The following MACF1 variants were observed in gnomAD, a reference collection of about 807,000 sequenced individuals.
MACF1 encodes microtubule actin crosslinking factor 1, also known as microtubule-actin cross-linking factor 1.
A neutral mutation model predicts 854.8 loss-of-function variants in MACF1; 193 were observed. The observed-to-expected ratio is 0.23, with a 90% CI of 0.20 to 0.25. The LOEUF (loss-of-function observed/expected upper bound fraction) is 0.25. Ranked by LOEUF, MACF1 falls within the 10% of genes least tolerant of loss-of-function variation. MACF1 has a pLI of 1.00. For synonymous variants in MACF1, 3,185 were observed against 3,226.7 expected (o/e 0.99, Z 0.44); for missense variants, 7,722 against 8,929.1 (o/e 0.86, Z 5.45).
intron 2 of MACF1, among the ~76,000 whole-genome samples, chr1:39,157,400 A>G (rs1056185773): frequency 1.3e-5 from 2 of 152,170 alleles, no homozygotes; most frequent in African/African-American, 4.8e-5. Flanking sequence ...TGTAATTGGG[A>G]GTTTTGCAGA....
chr1:39,350,995 G>A lies in MACF1; in HGVS notation c.11176G>A (p.Ala3726Thr), dbSNP rs367562249. ...GGAACTGGAGGAAGCAGTGACCTCC[G>A]CCTTACAGCAGGAGACTGAAAAGGT... ...QKELEEAVTS[A>T]LQQETEKSKA... Residue 3726 changes from alanine to threonine, a missense_variant, in exon 43 of 101, where the codon GCC becomes ACC. Coordinates refer to ENST00000564288, the MANE Select transcript of MACF1 (RefSeq NM_001394062.1). 5 of 1,613,864 alleles carry A rather than the reference G, an allele frequency of 3.1e-6. No homozygotes were observed. In the African/African-American group the frequency reaches 4.0e-5, roughly 13 times the overall value.
chr1:39,316,483 T>A lies in MACF1; in HGVS notation c.3542T>A (p.Val1181Glu). ...ATTAAGCTGAGTCAAGAAGAAGTAG[T>A]ACTGGCAGATCTCTCAGCTCTGGAG... ...YEIKLSQEEV[V>E]LADLSALEAH... Residue 1181 changes from valine to glutamate, a missense_variant, in exon 28 of 101, where the codon GTA (valine) becomes GAA (glutamate). This residue lies in a region of MACF1 where 1,137 missense variants were observed against 1,263.0 expected (regional missense o/e 0.90). Coordinates refer to ENST00000564288, the MANE Select transcript of MACF1 (RefSeq NM_001394062.1). 6.2e-7 allele frequency: 1 copy of A among 1,613,954 alleles called. No homozygotes were observed. The highest frequency in any genetic ancestry group is 8.5e-7 in the Non-Finnish European group (1 of 1,179,886).
intron 2 of MACF1, among the ~76,000 whole-genome samples, chr1:39,173,477 G>A (rs1643981459): frequency 6.6e-6 from 1 of 152,186 alleles, no homozygotes; most frequent in African/African-American, 2.4e-5. Flanking sequence ...CAGGGTTTAG[G>A]CCTGATTTCT....
Position 39,336,168 on chromosome 1 carries a change from C to G in MACF1, c.9580C>G (p.Pro3194Ala). ...ATTGGAAGAAATCACAGTTTCTAGA[C>G]CAGATTCAAAAGAAGTCAGGTATCT... ...LKLEEITVSR[P>A]DSKEVRYLEF... is the part of the protein sequence containing the mutation. The change falls in exon 37 of 101, where the codon CCA (proline) becomes GCA (alanine). Residue 3194 changes from proline (P) to alanine (A), a missense_variant. Physicochemically the swap from Pro to Ala is conservative, Grantham distance 27 (BLOSUM62 -1). Around this residue, in one of 15 missense-constraint regions of MACF1, gnomAD observed 854 missense variants for 852.6 expected, o/e 1.00. Coordinates refer to ENST00000564288, the MANE Select transcript of MACF1 (RefSeq NM_001394062.1). The G allele has an allele frequency of 6.2e-7, 1 of 1,614,122 alleles. No homozygotes were observed. The highest frequency in any genetic ancestry group is 8.5e-7 in the Non-Finnish European group (1 of 1,180,008).
chr1:39,300,471 T>C, intron 22 of MACF1, 109 bp downstream of exon 22: 1 of 1,199,620 alleles, frequency 8.3e-7, no homozygotes, highest in Non-Finnish European at 1.1e-6. Context: ...GTTTTTAAAA[T>C]TAGAATTTAA....
At chr1:39,378,938 T>C (rs1407517048) in intron 53 of MACF1, among the ~76,000 whole-genome samples, 1 of 152,250 alleles carries the variant, frequency 6.6e-6, no homozygotes, top group African/African-American at 2.4e-5. Flanking sequence ...GGTTAATTTC[T>C]TACTTTGCTC....
At chr1:39,291,858 TCCTA>T in intron 15 of MACF1, 48 bp from the exon 16 acceptor site, 1 of 1,572,892 alleles carries the variant, frequency 6.4e-7, no homozygotes, top group East Asian at 2.3e-5. Context: ...CTGACCATTT[TCCTA>T]CCAAGCCAGC....
intron 30 of MACF1, among the ~76,000 whole-genome samples, chr1:39,319,207 C>T (rs1024428192): frequency 2.0e-5 from 3 of 152,012 alleles, no homozygotes; most frequent in African/African-American, 7.2e-5. Context: ...ATGAGATTAT[C>T]GTTGCTAGGA....
intron 23 of MACF1, among the ~76,000 whole-genome samples, chr1:39,303,485 G>A (rs1319283703): frequency 6.6e-6 from 1 of 151,860 alleles, no homozygotes; most frequent in East Asian, 1.9e-4. Context: ...AGGAGGCGGA[G>A]TTTGCAGTCA....
intron 1 of MACF1, among the ~76,000 whole-genome samples, chr1:39,213,333 T>A (rs900396310): frequency 3.3e-5 from 5 of 152,112 alleles, no homozygotes; most frequent in Admixed American, 2.6e-4. Flanking sequence ...GATAATTTAT[T>A]TTTTTATTTT....
chr1:39,152,795 A>G (rs1643609026), intron 2 of MACF1, among the ~76,000 whole-genome samples: 1 of 152,036 alleles, frequency 6.6e-6, no homozygotes. Context: ...TTCTTCCTCT[A>G]CTCAAAAGCA....
intron 40 of MACF1, among the ~76,000 whole-genome samples, chr1:39,342,448 A>G (rs568297392): frequency 1.3e-5 from 2 of 152,194 alleles, no homozygotes; most frequent in Non-Finnish European, 2.9e-5. Flanking sequence ...TGGTAATTCT[A>G]AGTTCCTGTG....
At chr1:39,225,881 T>C (rs1172275372) in intron 1 of MACF1, among the ~76,000 whole-genome samples, 1 of 152,156 alleles carries the variant, frequency 6.6e-6, no homozygotes, top group Non-Finnish European at 1.5e-5. Context: ...ACTTATTAAA[T>C]AGTTTGAGAG....
rs778995337 is a variant in MACF1, at chr1:39,336,091, G to T, written c.9503G>T (p.Cys3168Phe). Residue 3168 changes from cysteine to phenylalanine, a missense_variant, in exon 37 of 101, where the codon TGT (cysteine) becomes TTT (phenylalanine). By Grantham distance (205) the Cys-to-Phe change is radical (BLOSUM62 -2). Around this residue, in one of 15 missense-constraint regions of MACF1, gnomAD observed 854 missense variants for 852.6 expected, o/e 1.00. Coordinates refer to ENST00000564288, the MANE Select transcript of MACF1 (RefSeq NM_001394062.1). ...CATCAAATTTCCTCATCTAATGAAT[G>T]TAAAGAAAAGTCATACCAAGAAGTA... The part of the protein sequence containing the change: ...TKHQISSSNE[C>F]KEKSYQEVSF... 6.2e-6 allele frequency: 10 copies of T among 1,613,716 alleles called. No homozygotes were observed. The highest frequency in any genetic ancestry group is 8.5e-6 in the Non-Finnish European group (10 of 1,179,974).
At position 39,452,742 on chromosome 1, in the gene MACF1, A is replaced by G; in HGVS notation, c.20672A>G (p.Gln6891Arg). Residue 6891 changes from glutamine to arginine, a missense_variant, in exon 87 of 101, where the codon CAA (glutamine) becomes CGA (arginine). Transcript: ENST00000564288. ...MLLEWLSEAE[Q>R]TLRFRGALPD... The stretch of plus-strand genomic sequence containing the variant: ...TTGGAGTGGCTTTCTGAAGCAGAGC[A>G]AACGCTTCGCTTTCGGGGAGCACTT... The G allele has an allele frequency of 8.1e-6, 13 of 1,613,976 alleles. No individual in the cohort carries two copies. The highest frequency in any genetic ancestry group is 1.1e-5 in the Non-Finnish European group (13 of 1,180,018).
At position 39,441,100 on chromosome 1, in the gene MACF1, C is replaced by T; in HGVS notation, c.18545C>T (p.Pro6182Leu). 6.2e-7 allele frequency: 1 copy of T among 1,614,134 alleles called. No individual in the cohort carries two copies. Among genetic ancestry groups the T allele is most frequent in the Non-Finnish European group, 8.5e-7 (1 of 1,180,020 alleles). ...TTTGCCTGTGGAGAAACTGAGAAGC[C>T]TGAAGTGAGGAAGAGCATTGATGAG... ...LIFACGETEK[P>L]EVRKSIDEMN... The change falls in exon 73 of 101, where the codon CCT becomes CTT. Residue 6182 changes from proline (P) to leucine (L), a missense_variant. Physicochemically the swap from Pro to Leu is moderately conservative, Grantham distance 98. Around this residue, in one of 15 missense-constraint regions of MACF1, gnomAD observed 2,807 missense variants for 3,235.8 expected, o/e 0.87. Transcript: ENST00000564288.
intron 2 of MACF1, among the ~76,000 whole-genome samples, chr1:39,191,968 T>G (rs1175535552): frequency 6.6e-6 from 1 of 152,022 alleles, no homozygotes. Context: ...CTGGCCAACA[T>G]GGTGAAACTC....
intron 2 of MACF1, among the ~76,000 whole-genome samples, chr1:39,137,768 C>G (rs1643216424): frequency 6.6e-6 from 1 of 151,946 alleles, no homozygotes; most frequent in Non-Finnish European, 1.5e-5. Context: ...TATGAACATA[C>G]AAAACTTAAA....
rs781580105 is a variant in MACF1, at chr1:39,333,563, T to C, written c.6975T>C (p.Leu2325=). The C allele has an allele frequency of 2.5e-6, 4 of 1,614,168 alleles. No individual in the cohort carries two copies. In the South Asian group the frequency reaches 4.4e-5, roughly 18 times the overall value. The change falls in exon 37 of 101, where the codon CTT becomes CTC. Residue 2325 remains leucine, a synonymous_variant. Transcript: ENST00000564288. ...GIVPSHTAVK[L]MEKLNMFQGF... is the part of the protein sequence containing the mutation. ...TGCCAAGTCACACTGCCGTGAAGCT[T>C]ATGGAGAAGCTGAACATGTTTCAGG...
Sources: gnomAD v4.1 joint callset for allele counts (sites outside exome capture counted in the v4.1 genomes callset) on GRCh38, gnomAD v4.1.1 for gene constraint, gnomAD v4.1.1 regional missense constraint, MANE v1.5 for transcripts, NCBI Gene and HGNC (gene_info 2026-07-23, HGNC 2026-07-21) for gene names.